Variants in PSMD7 observed in about 807,000 individuals in gnomAD.
The protein encoded by PSMD7 is 26S proteasome non-ATPase regulatory subunit 7.
In PSMD7, 13 loss-of-function variants were observed where a neutral mutation model predicts 36.4. That is an observed-to-expected ratio of 0.36 (90% CI 0.23 to 0.57). The LOEUF is 0.57. PSMD7 is among the 20% of genes least tolerant of loss of function. PSMD7 has a pLI of 0.83. For synonymous variants in PSMD7, 186 were observed against 151.0 expected (o/e 1.23, Z -1.70); for missense variants, 298 against 393.6 (o/e 0.76, Z 2.06).
intron 2 of PSMD7, chr16:74,300,547 C>T: frequency 3.0e-6 from 1 of 330,120 alleles, no homozygotes; most frequent in Non-Finnish European, 5.7e-6. Context: ...ACTGTTTAAC[C>T]ACGCTTCTTA....
chr16:74,304,489 C>T, intron 6 of PSMD7, 95 bp downstream of exon 6: 1 of 1,075,052 alleles, frequency 9.3e-7, no homozygotes, highest in South Asian at 1.5e-5. Flanking sequence ...GACCTGGGGT[C>T]TCGTCCTGGC....
rs199587020 is a variant in PSMD7 at position 74,305,708 on chromosome 16, A to G, written c.950A>G (p.Lys317Arg). The change falls in exon 7 of 7, where the codon AAA (lysine) becomes AGA (arginine). Residue 317 changes from lysine (K) to arginine (R), a missense_variant. By Grantham distance (26) the Lys-to-Arg change is conservative. Transcript: ENST00000219313. The stretch of plus-strand genomic sequence containing the variant: ...GATAAGGAAAAGAGTGATGTAAAGA[A>G]AGAGGAGAAAAAGGAGAAAAAGTAA... ...DKDKEKSDVK[K>R]EEKKEKK 1,204 of 1,451,824 alleles carry G rather than the reference A, an allele frequency of 8.3e-4. 7 individuals are homozygous for G. Among genetic ancestry groups the G allele is most frequent in the Admixed American group, 7.9e-4 (29 of 36,510 alleles). The allele number at this position is 1,451,824 out of a possible 1,614,324, so 89.9% of individuals were successfully genotyped here.
At chr16:74,298,218 A>T (rs2034129046) in intron 1 of PSMD7, among the ~76,000 whole-genome samples, 1 of 151,946 alleles carries the variant, frequency 6.6e-6, no homozygotes, top group South Asian at 2.1e-4. Flanking sequence ...AGGTAAGGAA[A>T]CATCTCAAAG....
chr16:74,304,218 A>T lies in PSMD7; in HGVS notation c.439-85A>T, dbSNP rs551327195. Reference sequence around the variant, plus strand: ...TGCACTCATTAAATGAGCTGACTTAAAGCAAAAGACTCAGGGTGCGAAAAG... The same window carrying T: ...TGCACTCATTAAATGAGCTGACTTATAGCAAAAGACTCAGGGTGCGAAAAG... On this transcript the variant is annotated intron_variant, in intron 5 of 6. Coordinates refer to ENST00000219313, the MANE Select transcript of PSMD7 (RefSeq NM_002811.5). 2,222 of 1,239,112 alleles carry T rather than the reference A, an allele frequency of 1.8e-3. 3 individuals carry two copies. The highest frequency in any genetic ancestry group is 2.2e-3 in the Non-Finnish European group (1,905 of 847,124). The allele number at this position is 1,239,112 out of a possible 1,614,324, so 76.8% of individuals were successfully genotyped here.
Position 74,300,147 on chromosome 16 carries a change from T to C in PSMD7, c.107T>C (p.Val36Ala), listed in dbSNP as rs769102111. The change falls in exon 2 of 7, where the codon GTT becomes GCT. Residue 36 changes from valine to alanine, a missense_variant. By Grantham distance (64) the Val-to-Ala change is moderately conservative. Coordinates refer to ENST00000219313, the MANE Select transcript of PSMD7 (RefSeq NM_002811.5). ...IGKVGNQKRVVGVLLGSWQKK... is the reference protein window; with the variant it reads ...IGKVGNQKRVAGVLLGSWQKK... ...AAGGTTGGAAACCAGAAGCGTGTTG[T>C]TGGTGTGCTTTTGGGGTCATGGCAA... 1 of 1,614,224 alleles carries C rather than the reference T, an allele frequency of 6.2e-7. No individual in the cohort carries two copies. Among genetic ancestry groups the C allele is most frequent in the South Asian group, 1.1e-5 (1 of 91,088 alleles).
intron 3 of PSMD7, 108 bp from the exon 4 acceptor site, chr16:74,301,447 A>G: frequency 1.2e-6 from 1 of 810,844 alleles, no homozygotes; most frequent in Non-Finnish European, 2.0e-6. Context: ...TATGTCTGGA[A>G]TTTTCAAAGA....
In PSMD7 at chr16:74,305,340, G is replaced by C; in HGVS notation, c.582G>C (p.Gln194His). 5 of 1,614,018 alleles carry C rather than the reference G, an allele frequency of 3.1e-6. No homozygotes were observed. The highest frequency in any genetic ancestry group is 4.2e-6 in the Non-Finnish European group (5 of 1,180,016). Residue 194 changes from glutamine to histidine, a missense_variant, in exon 7 of 7, where the codon CAG becomes CAC. Coordinates refer to ENST00000219313, the MANE Select transcript of PSMD7 (RefSeq NM_002811.5). The stretch of plus-strand genomic sequence containing the variant: ...CTCTGTCCCAGCGGATCACAAACCA[G>C]GTCCATGGTTTGAAGGGACTGAACT... ...VGTLSQRITNQVHGLKGLNSK... is the reference protein window; with the variant it reads ...VGTLSQRITNHVHGLKGLNSK...
At chr16:74,297,051 A>G (rs2142560056) in intron 1 of PSMD7, 63 bp downstream of exon 1, 1 of 1,559,032 alleles carries the variant, frequency 6.4e-7, no homozygotes, top group Non-Finnish European at 8.7e-7. Context: ...GGCACGCTGG[A>G]GATGGCGCGG....
chr16:74,300,915 CA>C (rs1214617844), intron 2 of PSMD7, 136 bp from the exon 3 acceptor site: 73 of 476,848 alleles, frequency 1.5e-4, no homozygotes, highest in South Asian at 3.1e-4. Flanking sequence ...TGGGGCAGCT[CA>C]AAAAAAATTT....
chr16:74,303,183 C>A (rs2142564973), intron 5 of PSMD7, among the ~76,000 whole-genome samples: 1 of 152,328 alleles, frequency 6.6e-6, no homozygotes, highest in Admixed American at 6.5e-5. Flanking sequence ...ACCAAGAAAT[C>A]CCACAACACT....
At chr16:74,303,989 C>A in intron 5 of PSMD7, 1 of 206,872 alleles carries the variant, frequency 4.8e-6, no homozygotes, top group Non-Finnish European at 1.0e-5. Context: ...CGTGCCTGGC[C>A]AAAGCGGTAT....
At chr16:74,305,236 A>T in intron 6 of PSMD7, 53 bp from the exon 7 acceptor site, 1 of 1,516,442 alleles carries the variant, frequency 6.6e-7, no homozygotes, top group Admixed American at 2.0e-5. Context: ...CTTGCCTGAT[A>T]ACATGGTACC....
chr16:74,305,558 G>A lies in PSMD7; in HGVS notation c.800G>A (p.Arg267His), dbSNP rs2034189284. 2 of 1,612,926 alleles carry A rather than the reference G, an allele frequency of 1.2e-6. No homozygotes were observed. The highest frequency in any genetic ancestry group is 2.2e-5 in the East Asian group (1 of 44,854). ...GTAGTGTACTTGGCCTCGCTGATCC[G>A]TTCCGTGGTCGCCCTGCACAACCTC... ...MVVVYLASLI[R>H]SVVALHNLIN... The change falls in exon 7 of 7, where the codon CGT (arginine) becomes CAT (histidine). Residue 267 changes from arginine (R) to histidine (H), a missense_variant. By Grantham distance (29) the Arg-to-His change is conservative. Transcript: ENST00000219313.
At chr16:74,300,975 C>A in intron 2 of PSMD7, 77 bp from the exon 3 acceptor site, 2 of 892,142 alleles carry the variant, frequency 2.2e-6, no homozygotes, top group Non-Finnish European at 1.8e-6. Context: ...TCAGAACTGG[C>A]CTAGGGGTCT....
chr16:74,301,361 C>T (rs2034153714), intron 3 of PSMD7, among the ~76,000 whole-genome samples, 194 bp from the exon 4 acceptor site: 1 of 151,898 alleles, frequency 6.6e-6, no homozygotes, highest in Admixed American at 6.6e-5. Flanking sequence ...GAAATAACCT[C>T]TCATTGCGGC....
At chr16:74,299,079 CA>C (rs1258449485) in intron 1 of PSMD7, among the ~76,000 whole-genome samples, 2 of 149,844 alleles carry the variant, frequency 1.3e-5, no homozygotes, top group Non-Finnish European at 3.0e-5. Context: ...ATTCAAACCC[CA>C]AACCTAGTAA....
chr16:74,298,839 A>G (rs1278981593), intron 1 of PSMD7, among the ~76,000 whole-genome samples: 1 of 152,186 alleles, frequency 6.6e-6, no homozygotes, highest in African/African-American at 2.4e-5. Context: ...ACACCACTGG[A>G]CTCCAGCCTG....
At chr16:74,298,204 A>T (rs2034128932) in intron 1 of PSMD7, among the ~76,000 whole-genome samples, 1 of 151,114 alleles carries the variant, frequency 6.6e-6, no homozygotes, top group Non-Finnish European at 1.5e-5. Context: ...AACCTTAATG[A>T]ATAAGGTAAG....
chr16:74,302,930 C>T (rs1049184358), intron 5 of PSMD7, among the ~76,000 whole-genome samples: 9 of 152,218 alleles, frequency 5.9e-5, no homozygotes, highest in African/African-American at 1.9e-4. Context: ...TGGGGCTTTT[C>T]TCTTTGCCTG....
Sources: gnomAD v4.1 joint callset for allele counts (sites outside exome capture counted in the v4.1 genomes callset) on GRCh38, gnomAD v4.1.1 for gene constraint, MANE v1.5 for transcripts, NCBI Gene and HGNC (gene_info 2026-07-23, HGNC 2026-07-21) for gene names.